COG3: variants seen among roughly 807,000 people sequenced by gnomAD.
COG3 encodes conserved oligomeric Golgi complex subunit 3.
Under a neutral mutation model 114.1 loss-of-function variants are expected in COG3, and 32 were observed. That is an observed-to-expected ratio of 0.28 (90% confidence interval 0.21 to 0.38). COG3 has a LOEUF of 0.38. COG3 is among the 10% of genes least tolerant of loss of function. The pLI is 1.00. For missense variants in COG3, 813 were observed against 973.2 expected (o/e 0.84, Z 2.19); for synonymous variants, 352 against 365.7 (o/e 0.96, Z 0.43).
intron 13 of COG3, among the ~76,000 whole-genome samples, chr13:45,498,933 C>T (rs1270457185): frequency 6.6e-6 from 1 of 151,912 alleles, no homozygotes; most frequent in Non-Finnish European, 1.5e-5. Context: ...TCACCTTTTC[C>T]TTGCTCCAGG....
chr13:45,475,066 A>T (rs1007909170), intron 1 of COG3, among the ~76,000 whole-genome samples: 3 of 152,222 alleles, frequency 2.0e-5, no homozygotes, highest in Non-Finnish European at 4.4e-5. Context: ...TCTGAAACTG[A>T]TGGAAAACTC....
Position 45,500,094 on chromosome 13 carries a change from GTATATA to G in COG3, c.1489-3133_1489-3128del, listed in dbSNP as rs3083326. On this transcript the variant is annotated intron_variant, in intron 13 of 22. Transcript: ENST00000349995. ...TGTGTGTGTGTGTGTGTGTGTGTGTGTATATATATATATATATATATAAAAAAGAGG... is the reference window on the plus strand; with the variant it reads ...TGTGTGTGTGTGTGTGTGTGTGTGTGTATATATATATATATAAAAAAGAGG... Among the ~76,000 whole-genome samples the G allele has an allele frequency of 8.6e-3, 987 of 114,818 alleles. 8 individuals are homozygous for G. The highest frequency in any genetic ancestry group is 0.032 in the South Asian group (101 of 3,152). 75.3% of individuals were successfully genotyped at this position (114,818 alleles called of 152,430 possible).
At chr13:45,489,415 A>T (rs1457134035) in intron 8 of COG3, among the ~76,000 whole-genome samples, 3 of 151,994 alleles carry the variant, frequency 2.0e-5, no homozygotes, top group Non-Finnish European at 4.4e-5. Flanking sequence ...TGGCATGAAG[A>T]TTTAGATTGT....
chr13:45,482,570 A>G (rs1390319847), intron 6 of COG3, 97 bp downstream of exon 6: 1 of 577,730 alleles, frequency 1.7e-6, no homozygotes, highest in South Asian at 2.4e-5. Flanking sequence ...TGTTTAGCAG[A>G]TGTTCCTATT....
intron 19 of COG3, among the ~76,000 whole-genome samples, chr13:45,519,708 G>A (rs1391146624): frequency 6.6e-6 from 1 of 152,040 alleles, no homozygotes; most frequent in Non-Finnish European, 1.5e-5. Context: ...AAACAATGTT[G>A]AACGTTGAAG....
chr13:45,465,409 T>G, intron 1 of COG3, 199 bp downstream of exon 1: 1 of 917,644 alleles, frequency 1.1e-6, no homozygotes, highest in South Asian at 1.8e-5. Flanking sequence ...ACTCTAATTC[T>G]GCCTGGGGAC....
intron 13 of COG3, among the ~76,000 whole-genome samples, chr13:45,500,625 AC>A (rs1869423530): frequency 6.6e-6 from 1 of 152,190 alleles, no homozygotes; most frequent in Non-Finnish European, 1.5e-5. Context: ...TATACCCTGC[AC>A]CCAGTTGCTC....
At chr13:45,492,522 C>T (rs550636054) in intron 11 of COG3, among the ~76,000 whole-genome samples, 12 of 152,244 alleles carry the variant, frequency 7.9e-5, no homozygotes, top group South Asian at 2.1e-4. Context: ...TCTGTAGCCT[C>T]GGGATCTAGA....
chr13:45,528,456 T>G (rs910217929), intron 20 of COG3, among the ~76,000 whole-genome samples: 2 of 152,218 alleles, frequency 1.3e-5, no homozygotes, highest in African/African-American at 2.4e-5. Context: ...TTTCTTACCC[T>G]GCTTTACTAC....
At chr13:45,495,642 A>G (rs1271268217) in intron 12 of COG3, among the ~76,000 whole-genome samples, 1 of 152,116 alleles carries the variant, frequency 6.6e-6, no homozygotes, top group Non-Finnish European at 1.5e-5. Flanking sequence ...AGCCTCCCAA[A>G]ATGCTGGGAT....
intron 14 of COG3, among the ~76,000 whole-genome samples, chr13:45,504,465 C>G (rs1341938183): frequency 6.6e-6 from 1 of 152,206 alleles, no homozygotes; most frequent in Non-Finnish European, 1.5e-5. Flanking sequence ...TGCGTTTTCT[C>G]TTTCCCCACT....
chr13:45,532,793 G>A (rs529952919), intron 22 of COG3, among the ~76,000 whole-genome samples: 7 of 151,972 alleles, frequency 4.6e-5, no homozygotes, highest in African/African-American at 1.7e-4. Context: ...TGCTGACCGC[G>A]TGATCCACCC....
At chr13:45,525,585 A>G (rs1284698517) in intron 20 of COG3, among the ~76,000 whole-genome samples, 1 of 129,568 alleles carries the variant, frequency 7.7e-6, no homozygotes, top group African/African-American at 3.0e-5. Flanking sequence ...AGATGTTCCC[A>G]GTCTTACTCT....
At chr13:45,521,365 C>T (rs537999520) in intron 19 of COG3, among the ~76,000 whole-genome samples, 15 of 152,210 alleles carry the variant, frequency 9.9e-5, no homozygotes, top group Non-Finnish European at 1.6e-4. Context: ...TCTCATCCTA[C>T]GTGATCAGTC....
chr13:45,470,876 G>A (rs1451909306), intron 1 of COG3, among the ~76,000 whole-genome samples: 4 of 152,210 alleles, frequency 2.6e-5, no homozygotes, highest in Admixed American at 6.5e-5. Flanking sequence ...ATGACTTTCT[G>A]ACTTTATGTG....
At chr13:45,486,210 A>G (rs1886632535) in intron 7 of COG3, among the ~76,000 whole-genome samples, 1 of 144,968 alleles carries the variant, frequency 6.9e-6, no homozygotes, top group Admixed American at 6.7e-5. Flanking sequence ...CTGAGGCAGG[A>G]GAATCAGGCA....
chr13:45,494,858 T>C, intron 12 of COG3, among the ~76,000 whole-genome samples: 1 of 79,550 alleles, frequency 1.3e-5, no homozygotes, highest in Non-Finnish European at 2.9e-5. Context: ...TCTTTTTTTC[T>C]CTTTTCTTTT....
Position 45,534,821 on chromosome 13 carries a change from GT to G in COG3, c.*91del. The stretch of plus-strand genomic sequence containing the variant: ...TCTGCAGGACACCGAGGAATCGTAT[GT>G]GGGAACGTCCCCGAGAACCACACGA... On this transcript the variant is annotated 3_prime_UTR_variant, in exon 23 of 23. Coordinates refer to ENST00000349995, the MANE Select transcript of COG3 (RefSeq NM_031431.4). The G allele has an allele frequency of 7.0e-7, 1 of 1,429,068 alleles. No individual in the cohort carries two copies. The highest frequency in any genetic ancestry group is 9.2e-7 in the Non-Finnish European group (1 of 1,091,344). 88.5% of individuals were successfully genotyped at this position (1,429,068 alleles called of 1,614,324 possible). A position where few individuals can be genotyped will look rare whatever the true frequency, so the allele number is the denominator to read the frequency against.
Position 45,464,966 on chromosome 13 carries a change from G to C in COG3, c.-71G>C. 1 of 1,496,360 alleles carries C rather than the reference G, an allele frequency of 6.7e-7. No individual in the cohort carries two copies. Among genetic ancestry groups the C allele is most frequent in the Non-Finnish European group, 8.9e-7 (1 of 1,127,196 alleles). The allele number at this position is 1,496,360 out of a possible 1,614,324, so 92.7% of individuals were successfully genotyped here. ...AGTGTTGGAAGCTCCGGTTCTCCCG[G>C]AAGTGGCCCAGGTCTCTCTGTCGGG... On this transcript the variant is annotated 5_prime_UTR_variant, in exon 1 of 23. Coordinates refer to ENST00000349995, the MANE Select transcript of COG3 (RefSeq NM_031431.4).
Sources: gnomAD v4.1 joint callset for allele counts (sites outside exome capture counted in the v4.1 genomes callset) on GRCh38, gnomAD v4.1.1 for gene constraint, MANE v1.5 for transcripts, NCBI Gene and HGNC (gene_info 2026-07-23, HGNC 2026-07-21) for gene names.